The following RIN2 variants were observed in gnomAD, a reference collection of about 807,000 sequenced individuals.
RIN2 encodes RAB5 interacting protein 2.
Under a neutral mutation model 78.0 loss-of-function variants are expected in RIN2, and 36 were observed. The observed-to-expected ratio is 0.46, with a 90% CI of 0.35 to 0.61. The LOEUF (loss-of-function observed/expected upper bound fraction) is 0.61, where lower values mean the gene tolerates loss of function less well. Among genes scored for constraint, RIN2 ranks in the 20% least tolerant of loss-of-function variants. The pLI is 0.00. For synonymous variants in RIN2, 466 were observed against 466.8 expected, an observed-to-expected ratio of 1.00 and a Z score of 0.02; for missense variants, 1,087 against 1,159.7, an observed-to-expected ratio of 0.94 and a Z score of 0.91.
intron 2 of RIN2, among the ~76,000 whole-genome samples, chr20:19,826,772 T>A (rs976895734): frequency 6.6e-5 from 10 of 152,148 alleles, no homozygotes; most frequent in African/African-American, 2.4e-4. Flanking sequence ...TTGGTGGCAA[T>A]CCATCAACTG....
At chr20:19,873,924 A>C (rs2037773159) in intron 2 of RIN2, among the ~76,000 whole-genome samples, 1 of 152,208 alleles carries the variant, frequency 6.6e-6, no homozygotes, top group Non-Finnish European at 1.5e-5. Flanking sequence ...GTGCACATAC[A>C]CAGAGGAGCA....
Position 19,935,109 on chromosome 20 carries a change from C to G in RIN2, c.68C>G (p.Thr23Arg), listed in dbSNP as rs749789238. The G allele has an allele frequency of 4.2e-5, 67 of 1,596,276 alleles. 1 individual carries two copies. The South Asian group carries it at 7.2e-4, about 17-fold the overall frequency. Residue 23 changes from threonine to arginine, a missense_variant, in exon 4 of 13, where the codon ACA (threonine) becomes AGA (arginine). By Grantham distance (71) the Thr-to-Arg change is moderately conservative. Coordinates refer to ENST00000255006, the MANE Select transcript of RIN2 (RefSeq NM_018993.4). ...TTTGTCTTTGAATAGCTCATTGACA[C>G]AATTGCCTCGGAGATCGGAGAACTG... Reference protein sequence around the residue: ...KRGSFFKLIDTIASEIGELKQ... With the variant: ...KRGSFFKLIDRIASEIGELKQ...
intron 4 of RIN2, among the ~76,000 whole-genome samples, chr20:19,952,367 A>G (rs2041354728): frequency 6.6e-6 from 1 of 152,228 alleles, no homozygotes; most frequent in Non-Finnish European, 1.5e-5. Flanking sequence ...GTGGAGCACC[A>G]GTAGCATCCC....
chr20:19,797,396 C>T (rs1242283599), intron 1 of RIN2, among the ~76,000 whole-genome samples: 1 of 152,162 alleles, frequency 6.6e-6, no homozygotes, highest in African/African-American at 2.4e-5. Flanking sequence ...ATATAATTTA[C>T]AATTGTGCTT....
At chr20:19,851,051 AGAAAGAAAGGAAGG>A (rs1568815136) in intron 2 of RIN2, among the ~76,000 whole-genome samples, 7 of 49,550 alleles carry the variant, frequency 1.4e-4, no homozygotes, top group African/African-American at 3.4e-4. Context: ...GGAAGGAAGG[AGAAAGAAAGGAAGG>A]AAGGAAGGAA....
chr20:19,768,988 C>T (rs1437263472), intron 1 of RIN2, among the ~76,000 whole-genome samples: 2 of 147,582 alleles, frequency 1.4e-5, no homozygotes, highest in Non-Finnish European at 3.0e-5. Context: ...AAGTCGCACT[C>T]TCGGCTCACT....
intron 3 of RIN2, among the ~76,000 whole-genome samples, chr20:19,927,607 G>C (rs982757165): frequency 2.0e-5 from 3 of 152,102 alleles, no homozygotes; most frequent in Non-Finnish European, 4.4e-5. Flanking sequence ...TAGAGACGGG[G>C]TTCCACTGTG....
At chr20:19,943,159 G>A (rs1235348683) in intron 4 of RIN2, among the ~76,000 whole-genome samples, 1 of 152,196 alleles carries the variant, frequency 6.6e-6, no homozygotes, top group Non-Finnish European at 1.5e-5. Flanking sequence ...GGGCAACCAG[G>A]ACAACAGGTT....
Position 20,000,965 on chromosome 20 carries a change from T to A in RIN2, c.*29T>A. 6.4e-7 allele frequency: 1 copy of A among 1,565,038 alleles called. No individual in the cohort carries two copies. The highest frequency in any genetic ancestry group is 8.7e-7 in the Non-Finnish European group (1 of 1,152,200). The stretch of plus-strand genomic sequence containing the variant: ...ACAGGCGGGACTTCCCAGTGGTGCA[T>A]CCAAAGGGGAGCTGGAAGCCTTGCC... On this transcript the variant is annotated 3_prime_UTR_variant, in exon 13 of 13. Transcript: ENST00000255006.
At chr20:19,993,850 T>C (rs2042873475) in intron 11 of RIN2, among the ~76,000 whole-genome samples, 1 of 152,232 alleles carries the variant, frequency 6.6e-6, no homozygotes, top group Non-Finnish European at 1.5e-5. Flanking sequence ...GTTATTCTTT[T>C]TCGAGCTTCG....
intron 6 of RIN2, among the ~76,000 whole-genome samples, chr20:19,961,843 A>T (rs1600958515): frequency 6.6e-6 from 1 of 152,294 alleles, no homozygotes; most frequent in Middle Eastern, 3.4e-3. Context: ...AAGCAGGCGG[A>T]ACCCAGCCAA....
At chr20:19,877,056 A>G (rs902717332) in intron 2 of RIN2, among the ~76,000 whole-genome samples, 2 of 152,196 alleles carry the variant, frequency 1.3e-5, no homozygotes, top group Admixed American at 1.3e-4. Context: ...TACTGATTTC[A>G]GCAAAAGCAC....
chr20:19,976,959 G>A (rs1043406985), intron 9 of RIN2, among the ~76,000 whole-genome samples: 1 of 152,184 alleles, frequency 6.6e-6, no homozygotes, highest in Admixed American at 6.5e-5. Context: ...GCCAGGCCTG[G>A]TTGATCAGGG....
intron 6 of RIN2, among the ~76,000 whole-genome samples, chr20:19,964,306 C>T (rs2041866953): frequency 1.3e-5 from 2 of 151,830 alleles, no homozygotes; most frequent in Middle Eastern, 3.4e-3. Context: ...GATGTAGTCT[C>T]GCTATAATGC....
intron 1 of RIN2, among the ~76,000 whole-genome samples, chr20:19,799,418 G>A (rs1434616770): frequency 1.3e-5 from 2 of 152,146 alleles, no homozygotes; most frequent in Non-Finnish European, 2.9e-5. Flanking sequence ...GGGATTTAGA[G>A]GGCATTCTGG....
chr20:19,855,740 C>T (rs1223579852), intron 2 of RIN2, among the ~76,000 whole-genome samples: 1 of 152,144 alleles, frequency 6.6e-6, no homozygotes, highest in Admixed American at 6.6e-5. Context: ...ACTGGCAAAA[C>T]TGACACCGGA....
In RIN2 at chr20:19,857,819, CTAA is replaced by C. The variant is rs772800888; in HGVS notation, c.-36-31727_-36-31725del. Among the ~76,000 whole-genome samples, 675 of 151,520 alleles carry C rather than the reference CTAA, an allele frequency of 4.5e-3. 6 individuals are homozygous for C. Among genetic ancestry groups the C allele is most frequent in the African/African-American group, 0.016 (649 of 41,336 alleles). On this transcript the variant is annotated intron_variant, in intron 2 of 12. Coordinates refer to ENST00000255006, the MANE Select transcript of RIN2 (RefSeq NM_018993.4). ...TGGGCAACAAAGTGAGACCCTGTCT[CTAA>C]TAATAATAATAATAATAATTTGGAT...
chr20:19,847,170 G>GA (rs1234281417), intron 2 of RIN2, among the ~76,000 whole-genome samples: 1 of 152,130 alleles, frequency 6.6e-6, no homozygotes, highest in African/African-American at 2.4e-5. Flanking sequence ...TCCTCTTGAG[G>GA]GATGCTCATT....
chr20:19,889,705 T>A, intron 3 of RIN2, 47 bp downstream of exon 3: 1 of 1,383,882 alleles, frequency 7.2e-7, no homozygotes, highest in Non-Finnish European at 9.7e-7. Flanking sequence ...GCTTGCTGCC[T>A]GAGCCTGGGA....
Sources: allele counts gnomAD v4.1 joint callset (sites outside exome capture counted in the v4.1 genomes callset), GRCh38; gene constraint gnomAD v4.1.1; transcripts MANE v1.5; gene names NCBI Gene and HGNC (gene_info 2026-07-23, HGNC 2026-07-21).